The following CCDC158 variants were observed in gnomAD, a reference collection of about 807,000 sequenced individuals.
CCDC158 encodes the protein coiled-coil domain-containing protein 158.
In CCDC158, 116 loss-of-function variants were observed where a neutral mutation model predicts 138.6. The observed-to-expected ratio is 0.84, with a 90% confidence interval of 0.72 to 0.98. The LOEUF (loss-of-function observed/expected upper bound fraction) is 0.98, where lower values mean the gene tolerates loss of function less well. CCDC158 is among the 50% of genes least tolerant of loss of function. The pLI is 0.00. For synonymous variants in CCDC158, 436 were observed against 442.4 expected (o/e 0.99, Z 0.18); for missense variants, 1,265 against 1,306.1 (o/e 0.97, Z 0.48).
At chr4:76,347,322 T>C (rs1244824338) in intron 18 of CCDC158, among the ~76,000 whole-genome samples, 1 of 152,038 alleles carries the variant, frequency 6.6e-6, no homozygotes, top group Non-Finnish European at 1.5e-5. Context: ...TGGATAGACT[T>C]TATCCAGTCT....
chr4:76,352,294 C>A (rs1432491642), intron 16 of CCDC158: 2 of 152,446 alleles, frequency 1.3e-5, no homozygotes, highest in African/African-American at 4.8e-5. Flanking sequence ...GTAGTCCCAG[C>A]TACTCAGGAG....
At chr4:76,330,894 G>C (rs560848646) in intron 21 of CCDC158, among the ~76,000 whole-genome samples, 1 of 152,260 alleles carries the variant, frequency 6.6e-6, no homozygotes, top group Admixed American at 6.5e-5. Flanking sequence ...CAAATTCACT[G>C]TATTTTGATC....
chr4:76,398,666 CAAA>C (rs11379850), intron 3 of CCDC158, among the ~76,000 whole-genome samples: 3 of 118,390 alleles, frequency 2.5e-5, no homozygotes, highest in Non-Finnish European at 3.4e-5. Context: ...GACTCTGTCT[CAAA>C]AAAAAAAAAA....
chr4:76,317,890 A>G (rs920721697), intron 24 of CCDC158, among the ~76,000 whole-genome samples: 1 of 152,182 alleles, frequency 6.6e-6, no homozygotes, highest in African/African-American at 2.4e-5. Context: ...GAAATTGAAT[A>G]ATCTACTCTG....
intron 18 of CCDC158, among the ~76,000 whole-genome samples, chr4:76,341,506 A>G (rs924384805): frequency 6.6e-6 from 1 of 152,236 alleles, no homozygotes; most frequent in Non-Finnish European, 1.5e-5. Flanking sequence ...TCTTGCCCAC[A>G]TCATGTATAT....
intron 23 of CCDC158, among the ~76,000 whole-genome samples, chr4:76,325,376 A>G (rs540200627): frequency 1.3e-5 from 2 of 152,340 alleles, no homozygotes; most frequent in East Asian, 3.9e-4. Context: ...TCACTTATTT[A>G]CCAGGCATTT....
At chr4:76,380,853 C>G (rs531119007) in intron 8 of CCDC158, among the ~76,000 whole-genome samples, 2 of 152,322 alleles carry the variant, frequency 1.3e-5, no homozygotes, top group East Asian at 3.9e-4. Context: ...TGTGCGTCCT[C>G]GGTACATGGC....
intron 4 of CCDC158, among the ~76,000 whole-genome samples, chr4:76,391,148 A>G (rs1431737480): frequency 6.6e-6 from 1 of 152,074 alleles, no homozygotes; most frequent in Admixed American, 6.6e-5. Context: ...AGATATTTAC[A>G]GAACATTTCA....
intron 4 of CCDC158, among the ~76,000 whole-genome samples, chr4:76,390,223 A>G (rs1165912808): frequency 6.6e-6 from 1 of 152,148 alleles, no homozygotes; most frequent in Admixed American, 6.5e-5. Context: ...GTCAAAGTGT[A>G]GAGTTTGTAT....
intron 2 of CCDC158, among the ~76,000 whole-genome samples, chr4:76,406,773 C>A (rs1407019047): frequency 6.6e-6 from 1 of 152,006 alleles, no homozygotes; most frequent in Non-Finnish European, 1.5e-5. Flanking sequence ...TAAATAATTT[C>A]TGAAAAATAA....
At chr4:76,334,286 A>G in intron 18 of CCDC158, 119 bp from the exon 19 acceptor site, 1 of 862,146 alleles carries the variant, frequency 1.2e-6, no homozygotes, top group Non-Finnish European at 1.8e-6. Context: ...GGAAAACAAA[A>G]AAATCACCCA....
At chr4:76,341,083 A>C (rs1314246351) in intron 18 of CCDC158, among the ~76,000 whole-genome samples, 1 of 152,060 alleles carries the variant, frequency 6.6e-6, no homozygotes, top group Admixed American at 6.5e-5. Context: ...GAAAACATTG[A>C]CTCTGAAATC....
intron 19 of CCDC158, among the ~76,000 whole-genome samples, chr4:76,333,556 G>C (rs563598630): frequency 1.4e-4 from 22 of 152,236 alleles, no homozygotes; most frequent in African/African-American, 5.1e-4. Flanking sequence ...CAGAGAAAAC[G>C]AAGTATTTCC....
At chr4:76,416,839 T>C (rs1729738325) in intron 1 of CCDC158, among the ~76,000 whole-genome samples, 1 of 152,204 alleles carries the variant, frequency 6.6e-6, no homozygotes, top group Non-Finnish European at 1.5e-5. Flanking sequence ...GGGACCGTTA[T>C]GGAGAACCTC....
At chr4:76,400,113 A>G (rs776717194) in intron 3 of CCDC158, among the ~76,000 whole-genome samples, 3 of 152,134 alleles carry the variant, frequency 2.0e-5, no homozygotes, top group South Asian at 2.1e-4. Flanking sequence ...TCGTATGTTT[A>G]TTGCGGCACT....
At chr4:76,392,575 G>C (rs1475390314) in intron 4 of CCDC158, among the ~76,000 whole-genome samples, 1 of 151,942 alleles carries the variant, frequency 6.6e-6, no homozygotes, top group African/African-American at 2.4e-5. Flanking sequence ...GTAAGATCTG[G>C]AACATGACAA....
At chr4:76,414,170 A>G (rs899931769) in intron 1 of CCDC158, 2 of 152,142 alleles carry the variant, frequency 1.3e-5, no homozygotes, top group Admixed American at 1.3e-4. Context: ...CAGCCTCCCA[A>G]AGTGCTAGGA....
At chr4:76,355,110 G>T (rs1723417640) in intron 15 of CCDC158, among the ~76,000 whole-genome samples, 1 of 152,114 alleles carries the variant, frequency 6.6e-6, no homozygotes, top group Admixed American at 6.6e-5. Flanking sequence ...CCTCTACCAA[G>T]AATGTTCTTT....
At chr4:76,362,519 A>T (rs1724248826) in intron 12 of CCDC158, among the ~76,000 whole-genome samples, 1 of 152,240 alleles carries the variant, frequency 6.6e-6, no homozygotes, top group Non-Finnish European at 1.5e-5. Flanking sequence ...ATTATAAAGC[A>T]TCAATAGAAA....
Sources: allele counts gnomAD v4.1 joint callset (sites outside exome capture counted in the v4.1 genomes callset), GRCh38; gene constraint gnomAD v4.1.1; transcripts MANE v1.5; gene names NCBI Gene and HGNC (gene_info 2026-07-23, HGNC 2026-07-21).